The following VTI1A variants were observed in gnomAD, a reference collection of about 807,000 sequenced individuals.
VTI1A encodes vesicle transport through interaction with t-SNAREs 1A.
A neutral mutation model predicts 34.9 loss-of-function variants in VTI1A; 22 were observed. That is an observed-to-expected ratio of 0.63 (90% confidence interval 0.45 to 0.90). The LOEUF (loss-of-function observed/expected upper bound fraction) is 0.90. Among genes scored for constraint, VTI1A ranks in the 40% least tolerant of loss-of-function variants. The pLI is 0.00. For missense variants in VTI1A, 268 were observed against 275.6 expected (o/e 0.97, Z 0.20); for synonymous variants, 87 against 97.3 (o/e 0.89, Z 0.62).
Position 112,706,161 on chromosome 10 carries a change from C to T in VTI1A, c.560+37163C>T, listed in dbSNP as rs555506118. On this transcript the variant is annotated intron_variant, in intron 7 of 7. Coordinates refer to ENST00000393077, the MANE Select transcript of VTI1A (RefSeq NM_145206.4). ...CCCACGTCCTCAGAGAAAGTGCTGC[C>T]GACAGCCTCATTCATATTAGGGTTT... 7.2e-5 allele frequency among the ~76,000 whole-genome samples: 11 copies of T among 152,210 alleles called. No homozygotes were observed. In the East Asian group the frequency reaches 1.2e-3, roughly 16 times the overall value.
chr10:112,731,291 A>T (rs1037856256), intron 7 of VTI1A, among the ~76,000 whole-genome samples: 1 of 152,164 alleles, frequency 6.6e-6, no homozygotes, highest in Admixed American at 6.6e-5. Flanking sequence ...AAACTCCATA[A>T]GGCCAGGCCC....
chr10:112,645,386 A>T (rs1846734136), intron 5 of VTI1A, among the ~76,000 whole-genome samples: 1 of 152,240 alleles, frequency 6.6e-6, no homozygotes, highest in Non-Finnish European at 1.5e-5. Context: ...CATCACTAAA[A>T]TGATGAGTTA....
chr10:112,518,577 CTCTCTCTCTCTCTATA>C (rs1426652831), intron 3 of VTI1A, among the ~76,000 whole-genome samples: 108 of 103,904 alleles, frequency 1.0e-3, no homozygotes, highest in African/African-American at 4.5e-3. Flanking sequence ...CTCTCTCTCT[CTCTCTCTCTCTCTATA>C]TATATATATA....
chr10:112,566,993 G>T (rs1358098274), intron 5 of VTI1A, among the ~76,000 whole-genome samples: 1 of 152,058 alleles, frequency 6.6e-6, no homozygotes, highest in Non-Finnish European at 1.5e-5. Context: ...TTTTTTGTAA[G>T]ACACCTTTTT....
intron 7 of VTI1A, among the ~76,000 whole-genome samples, chr10:112,762,168 C>A (rs1851490881): frequency 6.6e-6 from 1 of 152,162 alleles, no homozygotes; most frequent in African/African-American, 2.4e-5. Context: ...GCGGTTACTT[C>A]AGGTCTTATT....
chr10:112,826,654 C>A, the VTI1A span: 7 of 152,094 alleles, frequency 4.6e-5, no homozygotes, highest in African/African-American at 1.7e-4. Flanking sequence ...AGGGTGGGTG[C>A]CAACTAGGTT....
chr10:112,497,126 C>T (rs1029185011), intron 3 of VTI1A, among the ~76,000 whole-genome samples: 53 of 151,898 alleles, frequency 3.5e-4, no homozygotes, highest in African/African-American at 7.2e-4. Flanking sequence ...AAGACCAGCT[C>T]GGCCAAAATG....
intron 2 of VTI1A, among the ~76,000 whole-genome samples, chr10:112,461,946 C>T (rs1363650887): frequency 1.3e-5 from 2 of 152,196 alleles, no homozygotes; most frequent in African/African-American, 4.8e-5. Flanking sequence ...GAACTCGTGC[C>T]CTCAAGTGAT....
intron 7 of VTI1A, among the ~76,000 whole-genome samples, chr10:112,703,016 T>A (rs776370532): frequency 1.3e-5 from 2 of 152,218 alleles, no homozygotes; most frequent in Non-Finnish European, 2.9e-5. Context: ...ATCTGATTTT[T>A]TTAATCAATG....
intron 4 of VTI1A, 24 bp downstream of exon 4, chr10:112,527,188 C>A (rs748363402): frequency 6.2e-7 from 1 of 1,609,638 alleles, no homozygotes; most frequent in Admixed American, 1.7e-5. Context: ...CAGGAAGGCC[C>A]GGTGGGTGGC....
At chr10:112,764,905 C>T (rs1208868373) in intron 7 of VTI1A, among the ~76,000 whole-genome samples, 1 of 152,098 alleles carries the variant, frequency 6.6e-6, no homozygotes, top group African/African-American at 2.4e-5. Flanking sequence ...TGCAGAGGTA[C>T]TAATATATCC....
intron 7 of VTI1A, among the ~76,000 whole-genome samples, chr10:112,679,655 T>TA (rs1184567891): frequency 2.0e-5 from 3 of 152,116 alleles, no homozygotes; most frequent in Non-Finnish European, 4.4e-5. Flanking sequence ...AGTTTGGAAT[T>TA]ACGAAAACAA....
At chr10:112,712,507 C>CACACACACAT (rs1312636906) in intron 7 of VTI1A, among the ~76,000 whole-genome samples, 19 of 151,524 alleles carry the variant, frequency 1.3e-4, no homozygotes, top group African/African-American at 4.6e-4. Context: ...CACACACACA[C>CACACACACAT]ACACATTAAA....
At chr10:112,722,755 C>G (rs993872565) in intron 7 of VTI1A, among the ~76,000 whole-genome samples, 2 of 152,090 alleles carry the variant, frequency 1.3e-5, no homozygotes, top group Admixed American at 6.5e-5. Flanking sequence ...TTCTCTAGTT[C>G]CCAGATACTG....
chr10:112,678,295 G>A (rs780361418), intron 7 of VTI1A, among the ~76,000 whole-genome samples: 44 of 152,014 alleles, frequency 2.9e-4, no homozygotes, highest in African/African-American at 9.7e-4. Flanking sequence ...TACATTTTCC[G>A]TCAATGCCTT....
intron 1 of VTI1A, among the ~76,000 whole-genome samples, chr10:112,459,916 T>G (rs1429062131): frequency 6.6e-6 from 1 of 152,166 alleles, no homozygotes; most frequent in Non-Finnish European, 1.5e-5. Flanking sequence ...CCGTAGATAT[T>G]TTTTATTTCC....
At chr10:112,785,010 A>G (rs1202724310) in intron 7 of VTI1A, among the ~76,000 whole-genome samples, 1 of 152,208 alleles carries the variant, frequency 6.6e-6, no homozygotes, top group East Asian at 1.9e-4. Flanking sequence ...AAAACTCAAG[A>G]TGTAGGCAGA....
intron 3 of VTI1A, among the ~76,000 whole-genome samples, chr10:112,502,190 G>T (rs985625146): frequency 6.6e-6 from 1 of 151,724 alleles, no homozygotes; most frequent in Non-Finnish European, 1.5e-5. Flanking sequence ...ACCACACCCA[G>T]CTAATTTTTT....
At chr10:112,654,544 G>A (rs1212025392) in intron 5 of VTI1A, among the ~76,000 whole-genome samples, 1 of 152,008 alleles carries the variant, frequency 6.6e-6, no homozygotes, top group Non-Finnish European at 1.5e-5. Context: ...CGAGGCTGGA[G>A]TGCATTGGCA....
Sources: allele counts gnomAD v4.1 joint callset (sites outside exome capture counted in the v4.1 genomes callset), GRCh38; gene constraint gnomAD v4.1.1; transcripts MANE v1.5; gene names NCBI Gene and HGNC (gene_info 2026-07-23, HGNC 2026-07-21).